The following TRIQK variants were observed in gnomAD, a reference collection of about 807,000 sequenced individuals.
The protein encoded by TRIQK is triple QxxK/R motif-containing protein.
In TRIQK, 10 loss-of-function variants were observed where a neutral mutation model predicts 10.8. The ratio of observed to expected loss-of-function variants is 0.92; its 90% CI spans 0.57 to 1.57. The LOEUF (loss-of-function observed/expected upper bound fraction) is 1.57. TRIQK is among the 40% of genes most tolerant of loss of function. TRIQK has a pLI of 0.00. For synonymous variants in TRIQK, 33 were observed against 33.7 expected (o/e 0.98, Z 0.07); for missense variants, 107 against 97.7 (o/e 1.09, Z -0.40).
chr8:92,929,760 C>A (rs1318490032), intron 2 of TRIQK, among the ~76,000 whole-genome samples: 1 of 152,062 alleles, frequency 6.6e-6, no homozygotes, highest in East Asian at 1.9e-4. Flanking sequence ...TATTAAATAG[C>A]AATTTTTTCA....
At chr8:92,948,048 T>C (rs1355708912) in intron 2 of TRIQK, among the ~76,000 whole-genome samples, 3 of 152,166 alleles carry the variant, frequency 2.0e-5, no homozygotes, top group Non-Finnish European at 2.9e-5. Context: ...CCCTTATTCT[T>C]TTTCTCACAC....
intron 2 of TRIQK, among the ~76,000 whole-genome samples, chr8:92,951,539 T>A (rs1289398563): frequency 6.6e-6 from 1 of 151,862 alleles, no homozygotes; most frequent in Non-Finnish European, 1.5e-5. Flanking sequence ...AGGCTCAGGA[T>A]GAAAAAGTCT....
At chr8:92,944,207 G>T (rs186430215) in intron 2 of TRIQK, among the ~76,000 whole-genome samples, 124 of 151,318 alleles carry the variant, frequency 8.2e-4, no homozygotes, top group African/African-American at 2.9e-3. Flanking sequence ...TTAAAAAGTA[G>T]CAAATGGTTT....
chr8:92,952,535 C>T (rs948133183), intron 2 of TRIQK, among the ~76,000 whole-genome samples: 3 of 151,552 alleles, frequency 2.0e-5, no homozygotes, highest in Non-Finnish European at 4.4e-5. Context: ...GAGATAAGAA[C>T]AGAAGAAATA....
chr8:92,908,776 T>A (rs1313069299), intron 3 of TRIQK, among the ~76,000 whole-genome samples: 4 of 152,016 alleles, frequency 2.6e-5, no homozygotes, highest in African/African-American at 9.7e-5. Flanking sequence ...AAATTTGCAA[T>A]CTAAATTTAA....
intron 4 of TRIQK, 103 bp from the exon 5 acceptor site, chr8:92,886,838 G>A: frequency 1.5e-6 from 1 of 663,822 alleles, no homozygotes; most frequent in Non-Finnish European, 2.5e-6. Context: ...AGTCTAGAAT[G>A]AATAATTTGA....
intron 1 of TRIQK, among the ~76,000 whole-genome samples, chr8:93,007,119 C>T (rs1441008599): frequency 7.2e-6 from 1 of 138,842 alleles, no homozygotes; most frequent in Non-Finnish European, 1.5e-5. Flanking sequence ...CAGGTTGGTG[C>T]CCCTGTGGTA....
chr8:92,897,837 G>C (rs1242036347), intron 3 of TRIQK, among the ~76,000 whole-genome samples: 3 of 151,820 alleles, frequency 2.0e-5, no homozygotes, highest in Admixed American at 2.0e-4. Context: ...TTTTGTGTTG[G>C]GGTACATCTC....
chr8:92,884,294 T>C lies in TRIQK; in HGVS notation c.*2328A>G, dbSNP rs1003563364. ...CAAACCAGACTCCCAATCTGGGATT[T>C]CTCTACAGAGGGTTGGCTGCTTCCC... On this transcript the variant is annotated 3_prime_UTR_variant, in exon 5 of 5. Coordinates refer to ENST00000521988, the MANE Select transcript of TRIQK (RefSeq NM_001171797.2). 4.6e-5 allele frequency: 7 copies of C among 153,300 alleles called. No homozygotes were observed. Among genetic ancestry groups the C allele is most frequent in the Non-Finnish European group, 1.0e-4 (7 of 68,936 alleles). The allele number at this position is 153,300 out of a possible 1,614,324, so 9.5% of individuals were successfully genotyped here. A position where few individuals can be genotyped will look rare whatever the true frequency, so the allele number is the denominator to read the frequency against.
At chr8:92,901,378 G>T (rs972923676) in intron 3 of TRIQK, among the ~76,000 whole-genome samples, 3 of 151,906 alleles carry the variant, frequency 2.0e-5, no homozygotes, top group Non-Finnish European at 4.4e-5. Context: ...ACTAGCTGTG[G>T]GTCTGTCATA....
chr8:92,888,638 T>C (rs1164464126), intron 4 of TRIQK, among the ~76,000 whole-genome samples: 1 of 151,518 alleles, frequency 6.6e-6, no homozygotes, highest in Non-Finnish European at 1.5e-5. Context: ...CTTAGAGACC[T>C]ATAGGCATTT....
intron 3 of TRIQK, among the ~76,000 whole-genome samples, chr8:92,908,598 T>A (rs1189559456): frequency 3.3e-5 from 5 of 152,148 alleles, no homozygotes; most frequent in Non-Finnish European, 7.4e-5. Flanking sequence ...AGTGCTTTAA[T>A]CTTGCAAATA....
intron 1 of TRIQK, among the ~76,000 whole-genome samples, chr8:93,006,034 CAAA>C (rs58693078): frequency 0.11 from 14,869 of 130,942 alleles, 1,680 homozygotes; most frequent in African/African-American, 0.29. Flanking sequence ...AAAAAATAAG[CAAA>C]AAAAAAAAAA....
chr8:92,923,623 G>GA (rs1401880655), intron 2 of TRIQK, among the ~76,000 whole-genome samples: 1 of 151,722 alleles, frequency 6.6e-6, no homozygotes, highest in Non-Finnish European at 1.5e-5. Context: ...ATTTAAAGAA[G>GA]AAAAATGCTG....
chr8:92,924,236 T>C (rs1003025128), intron 2 of TRIQK, among the ~76,000 whole-genome samples: 15 of 151,990 alleles, frequency 9.9e-5, no homozygotes, highest in African/African-American at 3.6e-4. Context: ...CCTGATCTTA[T>C]CACACATTAA....
chr8:92,909,405 A>G (rs567173409), intron 3 of TRIQK, among the ~76,000 whole-genome samples: 1 of 151,940 alleles, frequency 6.6e-6, no homozygotes, highest in Admixed American at 6.5e-5. Context: ...TAAACTACGC[A>G]AAAAGTAAAA....
chr8:92,919,080 A>G (rs1810030648), intron 2 of TRIQK, among the ~76,000 whole-genome samples: 1 of 151,746 alleles, frequency 6.6e-6, no homozygotes, highest in Non-Finnish European at 1.5e-5. Context: ...CTATTGATCT[A>G]TGTGTCTATT....
intron 1 of TRIQK, among the ~76,000 whole-genome samples, chr8:93,010,488 A>C (rs1255492542): frequency 2.0e-5 from 3 of 152,310 alleles, no homozygotes; most frequent in Admixed American, 1.3e-4. Context: ...TAAACTATCC[A>C]AAATCACTAA....
chr8:92,905,335 T>C (rs189787446), intron 3 of TRIQK, among the ~76,000 whole-genome samples: 9 of 152,276 alleles, frequency 5.9e-5, no homozygotes, highest in Admixed American at 4.6e-4. Flanking sequence ...TATAACAATA[T>C]ATACAACATG....
Sources: gnomAD v4.1 joint callset for allele counts (sites outside exome capture counted in the v4.1 genomes callset) on GRCh38, gnomAD v4.1.1 for gene constraint, MANE v1.5 for transcripts, NCBI Gene and HGNC (gene_info 2026-07-23, HGNC 2026-07-21) for gene names.